The following CACNA1E variants were observed in gnomAD, a reference collection of about 807,000 sequenced individuals.
CACNA1E encodes the protein voltage-dependent R-type calcium channel subunit alpha-1E.
In CACNA1E, 40 loss-of-function variants were observed where a neutral mutation model predicts 259.2. The observed-to-expected ratio is 0.15, with a 90% CI of 0.12 to 0.20. The LOEUF is 0.20. Among genes scored for constraint, CACNA1E ranks in the 10% least tolerant of loss-of-function variants. The pLI is 1.00. For missense variants in CACNA1E, 1,874 were observed against 3,040.1 expected (o/e 0.62, Z 9.02); for synonymous variants, 1,104 against 1,138.5 (o/e 0.97, Z 0.61).
chr1:181,333,353 C>G (rs1238134315), intron 1 of CACNA1E, among the ~76,000 whole-genome samples: 1 of 152,188 alleles, frequency 6.6e-6, no homozygotes, highest in Non-Finnish European at 1.5e-5. Context: ...AAGCCCACAC[C>G]CATTACATAC....
At chr1:181,357,681 A>G (rs1653553907) in intron 1 of CACNA1E, among the ~76,000 whole-genome samples, 1 of 152,214 alleles carries the variant, frequency 6.6e-6, no homozygotes. Flanking sequence ...ATCACTGTTC[A>G]ATTTAGACAA....
intron 7 of CACNA1E, among the ~76,000 whole-genome samples, chr1:181,695,770 C>T (rs1404610414): frequency 6.6e-6 from 1 of 152,152 alleles, no homozygotes; most frequent in Non-Finnish European, 1.5e-5. Context: ...GACCAGCCAA[C>T]ATGGCGAAAC....
chr1:181,767,175 A>G (rs558498260), intron 35 of CACNA1E, among the ~76,000 whole-genome samples: 1 of 152,132 alleles, frequency 6.6e-6, no homozygotes, highest in South Asian at 2.1e-4. Flanking sequence ...TCCTAGGGAG[A>G]CTCAAGGGCC....
intron 2 of CACNA1E, among the ~76,000 whole-genome samples, chr1:181,460,470 T>C (rs1661729828): frequency 6.6e-6 from 1 of 152,218 alleles, no homozygotes; most frequent in Admixed American, 6.5e-5. Context: ...GCAGCTGTTA[T>C]GGTTGAAATT....
chr1:181,445,889 T>C lies in CACNA1E; in HGVS notation c.434+32309T>C, dbSNP rs192862771. On this transcript the variant is annotated intron_variant, in intron 2 of 11. Transcript: ENST00000524607. ...CAGAATTTCCACTGGTTCAAAAGAA[T>C]CCCCAGCAACCCCAGTCTCAGGAGA... Among the ~76,000 whole-genome samples the C allele has an allele frequency of 1.5e-3, 224 of 152,206 alleles. 1 individual carries two copies. The Middle Eastern group carries it at 0.034, about 23-fold the overall frequency.
At chr1:181,635,075 C>T (rs1039367580) in intron 6 of CACNA1E, among the ~76,000 whole-genome samples, 17 of 152,326 alleles carry the variant, frequency 1.1e-4, no homozygotes, top group African/African-American at 3.6e-4. Flanking sequence ...ATGTCTTCAC[C>T]GCTTGTTGAG....
At chr1:181,361,388 T>C (rs1653875468) in intron 1 of CACNA1E, among the ~76,000 whole-genome samples, 1 of 152,144 alleles carries the variant, frequency 6.6e-6, no homozygotes, top group African/African-American at 2.4e-5. Flanking sequence ...GTCTTCTACT[T>C]TGGGCAGGGA....
Position 181,772,945 on chromosome 1 carries a change from C to CTT in CACNA1E, c.5139+715_5139+716dup, listed in dbSNP as rs201705214. ...GACTCAGCACACCCACTTCCAGAAA[C>CTT]TTCTACCCTGCATATCAGACAAGCA... On this transcript the variant is annotated intron_variant, in intron 37 of 47. Transcript: ENST00000367573. 2.4e-4 allele frequency among the ~76,000 whole-genome samples: 36 copies of CTT among 152,286 alleles called. No homozygotes were observed. In the East Asian group the frequency reaches 7.0e-3, roughly 29 times the overall value.
chr1:181,330,320 C>T (rs978138421), intron 1 of CACNA1E, among the ~76,000 whole-genome samples: 1 of 152,110 alleles, frequency 6.6e-6, no homozygotes, highest in African/African-American at 2.4e-5. Context: ...GGCCACCTCC[C>T]CCCAGCCCCC....
rs771599176 is a variant in CACNA1E, at chr1:181,580,602, A to G, written c.777A>G (p.Leu259=). The change falls in exon 6 of 48, where the codon CTA becomes CTG. Residue 259 remains leucine (L), a synonymous_variant. Coordinates refer to ENST00000367573, the MANE Select transcript of CACNA1E (RefSeq NM_001205293.3). ...RACFMNNSGI[L]EGFDPPHPCG... ...CTCCAAATGTGTCTGCAGGTATTCTAGAAGGATTTGACCCCCCTCACCCAT... is the reference window on the plus strand; with the variant it reads ...CTCCAAATGTGTCTGCAGGTATTCTGGAAGGATTTGACCCCCCTCACCCAT... The G allele has an allele frequency of 1.7e-5, 28 of 1,613,936 alleles. No homozygotes were observed. The highest frequency in any genetic ancestry group is 2.1e-5 in the Non-Finnish European group (25 of 1,179,784).
chr1:181,328,030 G>A (rs1397454856), intron 1 of CACNA1E, among the ~76,000 whole-genome samples: 1 of 152,226 alleles, frequency 6.6e-6, no homozygotes, highest in Admixed American at 6.5e-5. Context: ...GCCAGCCCAG[G>A]TGTCTTCACA....
At chr1:181,751,177 T>A (rs565111346) in intron 26 of CACNA1E, among the ~76,000 whole-genome samples, 1 of 152,346 alleles carries the variant, frequency 6.6e-6, no homozygotes, top group East Asian at 1.9e-4. Context: ...GTTTTATAAA[T>A]GACAACTATT....
At chr1:181,459,780 C>T (rs1037414180) in intron 2 of CACNA1E, among the ~76,000 whole-genome samples, 29 of 152,186 alleles carry the variant, frequency 1.9e-4, no homozygotes, top group African/African-American at 7.0e-4. Context: ...CTGGAGCTTC[C>T]CTATTGACAC....
Position 181,732,428 on chromosome 1 carries a change from G to T in CACNA1E, c.2342G>T (p.Arg781Leu). 1 of 1,547,180 alleles carries T rather than the reference G, an allele frequency of 6.5e-7. No individual in the cohort carries two copies. The highest frequency in any genetic ancestry group is 8.7e-7 in the Non-Finnish European group (1 of 1,144,906). The change falls in exon 20 of 48, where the codon CGT (arginine) becomes CTT (leucine). Residue 781 changes from arginine to leucine, a missense_variant. Transcript: ENST00000367573. This position sits in a 1 kb window ranked among gnomAD's most constrained non-coding sequence, Gnocchi z 5.5. ...CACCACATGTCCGTGTGGGAGCAGC[G>T]TACCAGCCAGCTGAGGAAGCACATG... ...RRHHMSVWEQ[R>L]TSQLRKHMQM...
chr1:181,767,311 G>A (rs1201571915), intron 35 of CACNA1E, among the ~76,000 whole-genome samples: 1 of 152,216 alleles, frequency 6.6e-6, no homozygotes, highest in East Asian at 1.9e-4. Context: ...AAAGATGATG[G>A]TGGTTCTTGG....
chr1:181,486,915 C>T (rs1332805859), intron 1 of CACNA1E, among the ~76,000 whole-genome samples: 2 of 152,120 alleles, frequency 1.3e-5, no homozygotes, highest in Admixed American at 1.3e-4. Flanking sequence ...AATCCTGGGC[C>T]CCACTTCAAT....
chr1:181,788,750 T>C (rs1195659881), intron 43 of CACNA1E, among the ~76,000 whole-genome samples: 1 of 152,208 alleles, frequency 6.6e-6, no homozygotes. Flanking sequence ...GTTTTCAAAG[T>C]AGGAGATCAC....
chr1:181,705,011 C>T (rs1652655353), intron 7 of CACNA1E, among the ~76,000 whole-genome samples: 1 of 151,098 alleles, frequency 6.6e-6, no homozygotes, highest in African/African-American at 2.5e-5. Context: ...CACTTCTAAT[C>T]CCCAAGAGTT....
At chr1:181,698,565 A>G (rs562498774) in intron 7 of CACNA1E, among the ~76,000 whole-genome samples, 1 of 152,276 alleles carries the variant, frequency 6.6e-6, no homozygotes, top group Non-Finnish European at 1.5e-5. Flanking sequence ...TTACAATACC[A>G]CAGGTTTAAT....
Sources: gnomAD v4.1 joint callset for allele counts (sites outside exome capture counted in the v4.1 genomes callset) on GRCh38, gnomAD v4.1.1 for gene constraint, Gnocchi (gnomAD v3.1) non-coding constraint, MANE v1.5 for transcripts, NCBI Gene and HGNC (gene_info 2026-07-23, HGNC 2026-07-21) for gene names.